TRAPPC8: variants seen among roughly 807,000 people sequenced by gnomAD.
TRAPPC8 encodes trafficking protein particle complex subunit 8.
TRAPPC8 carries 54 observed loss-of-function variants against 174.3 expected under a neutral mutation model. That is an observed-to-expected ratio of 0.31 (90% CI 0.25 to 0.39). The LOEUF (loss-of-function observed/expected upper bound fraction) is 0.39, where lower values mean the gene tolerates loss of function less well. Among genes scored for constraint, TRAPPC8 ranks in the 10% least tolerant of loss-of-function variants. The pLI is 1.00. For missense variants in TRAPPC8, 1,531 were observed against 1,699.1 expected (o/e 0.90, Z 1.74); for synonymous variants, 630 against 579.9 (o/e 1.09, Z -1.24).
intron 12 of TRAPPC8, among the ~76,000 whole-genome samples, chr18:31,886,348 A>G (rs1359275694): frequency 1.5e-4 from 22 of 144,242 alleles, no homozygotes; most frequent in African/African-American, 5.7e-4. Context: ...TCTTGAGGAA[A>G]AAAAAAAAAA....
chr18:31,914,981 A>G lies in TRAPPC8; in HGVS notation c.617+1291T>C, dbSNP rs55668786. 9.8e-3 allele frequency among the ~76,000 whole-genome samples: 1,500 copies of G among 152,334 alleles called. 25 individuals carry two copies. Among genetic ancestry groups the G allele is most frequent in the African/African-American group, 0.035 (1,435 of 41,576 alleles). ...AAGTCACAAGAGAGTGGACAGTGGAAAAAGTGCCTGTAAGCAAGTCAGGCC... is the reference window on the plus strand; with the variant it reads ...AAGTCACAAGAGAGTGGACAGTGGAGAAAGTGCCTGTAAGCAAGTCAGGCC... On this transcript the variant is annotated intron_variant, in intron 4 of 28. Transcript: ENST00000283351.
chr18:31,873,594 T>C, intron 13 of TRAPPC8, 56 bp from the exon 14 acceptor site: 1 of 1,278,164 alleles, frequency 7.8e-7, no homozygotes, highest in Non-Finnish European at 1.1e-6. Context: ...GTATTTTTAT[T>C]TGTTTCCTCG....
At chr18:31,887,996 G>A (rs970068720) in intron 12 of TRAPPC8, among the ~76,000 whole-genome samples, 6 of 152,076 alleles carry the variant, frequency 3.9e-5, no homozygotes, top group Admixed American at 2.0e-4. Flanking sequence ...AGCAACTTCA[G>A]CAAAATCTCA....
chr18:31,936,094 C>T lies in TRAPPC8; in HGVS notation c.158-4571G>A, dbSNP rs115373546. On this transcript the variant is annotated intron_variant, in intron 1 of 28. Coordinates refer to ENST00000283351, the MANE Select transcript of TRAPPC8 (RefSeq NM_014939.5). ...AATTAGCTGGGTGTGATGGCACACA[C>T]CTGTGTGCTACTCAGGAGGCTAAGG... Among the ~76,000 whole-genome samples the T allele has an allele frequency of 8.5e-3, 1,295 of 151,990 alleles. 18 individuals carry two copies. Among genetic ancestry groups the T allele is most frequent in the African/African-American group, 0.029 (1,195 of 41,458 alleles).
intron 12 of TRAPPC8, among the ~76,000 whole-genome samples, chr18:31,880,121 A>ATATATT (rs1239258266): frequency 7.2e-4 from 50 of 69,046 alleles, no homozygotes; most frequent in African/African-American, 1.4e-3. Context: ...ATATATATAT[A>ATATATT]TTTTTTTTTT....
intron 27 of TRAPPC8, among the ~76,000 whole-genome samples, chr18:31,837,271 T>A (rs561636911): frequency 6.6e-6 from 1 of 151,926 alleles, no homozygotes. Flanking sequence ...AATTCGCATA[T>A]GCTGCTATTG....
chr18:31,936,455 C>T (rs2038102125), intron 1 of TRAPPC8, among the ~76,000 whole-genome samples: 1 of 152,056 alleles, frequency 6.6e-6, no homozygotes, highest in African/African-American at 2.4e-5. Context: ...CAAAGTGAGA[C>T]CCTGTCTCGA....
Position 31,873,556 on chromosome 18 carries a change from G to C in TRAPPC8, c.1954-18C>G. On this transcript the variant is annotated intron_variant, in intron 13 of 28. Transcript: ENST00000283351. ...CTTACATTCTGAGAGAAATATAAAA[G>C]GGAAAAAAAGTAGTTTTTGTGAAAA... 6.4e-7 allele frequency: 1 copy of C among 1,563,168 alleles called. No homozygotes were observed. Among genetic ancestry groups the C allele is most frequent in the Non-Finnish European group, 8.7e-7 (1 of 1,148,914 alleles).
In TRAPPC8 at chr18:31,849,502, G is replaced by C. The variant is rs1598602313; in HGVS notation, c.3735+64C>G. The stretch of plus-strand genomic sequence containing the variant: ...AAAATATAAATAGTAATATACGTTT[G>C]TGCTTAGCTTAAGACTCGAGTATCT... On this transcript the variant is annotated intron_variant, in intron 25 of 28. Coordinates refer to ENST00000283351, the MANE Select transcript of TRAPPC8 (RefSeq NM_014939.5). The C allele has an allele frequency of 3.8e-6, 5 of 1,327,400 alleles. No homozygotes were observed. The East Asian group carries it at 7.8e-5, about 21-fold the overall frequency. The allele number at this position is 1,327,400 out of a possible 1,614,324, so 82.2% of individuals were successfully genotyped here.
chr18:31,864,922 G>T (rs982199830), intron 18 of TRAPPC8, 141 bp from the exon 19 acceptor site: 5 of 755,216 alleles, frequency 6.6e-6, no homozygotes, highest in East Asian at 2.8e-5. Context: ...ATTAATCAAA[G>T]AATTTAGTAT....
chr18:31,830,639 T>A lies in TRAPPC8; in HGVS notation c.*116A>T. The stretch of plus-strand genomic sequence containing the variant: ...CAACAAAATGACAAGTCAAAGTATT[T>A]TGCAGGGATCAGATATCAATCAACC... On this transcript the variant is annotated 3_prime_UTR_variant, in exon 29 of 29. Coordinates refer to ENST00000283351, the MANE Select transcript of TRAPPC8 (RefSeq NM_014939.5). 1 of 808,190 alleles carries A rather than the reference T, an allele frequency of 1.2e-6. No homozygotes were observed. Among genetic ancestry groups the A allele is most frequent in the Non-Finnish European group, 1.9e-6 (1 of 520,634 alleles). 50.1% of individuals were successfully genotyped at this position (808,190 alleles called of 1,614,324 possible).
At chr18:31,911,697 C>A (rs563489278) in intron 5 of TRAPPC8, among the ~76,000 whole-genome samples, 1 of 138,362 alleles carries the variant, frequency 7.2e-6, no homozygotes, top group South Asian at 2.3e-4. Context: ...CGAGATCATG[C>A]AGTGAGCCGA....
At chr18:31,941,893 C>G (rs933992319) in intron 1 of TRAPPC8, among the ~76,000 whole-genome samples, 1 of 152,208 alleles carries the variant, frequency 6.6e-6, no homozygotes, top group Non-Finnish European at 1.5e-5. Context: ...AAACGGGTAG[C>G]TTCTTAACAA....
intron 12 of TRAPPC8, among the ~76,000 whole-genome samples, chr18:31,880,090 A>AAATATATATAT (rs1259899654): frequency 1.6e-4 from 14 of 85,360 alleles, no homozygotes; most frequent in South Asian, 9.9e-4. Context: ...TGAAAAAAAA[A>AAATATATATAT]ATATATATAT....
At chr18:31,870,317 A>G (rs1440621761) in intron 16 of TRAPPC8, 55 bp downstream of exon 16, 2 of 1,510,682 alleles carry the variant, frequency 1.3e-6, no homozygotes, top group Non-Finnish European at 1.8e-6. Context: ...ATGTTACTAC[A>G]GCATTTGTTA....
chr18:31,929,657 C>T (rs1046858033), intron 2 of TRAPPC8, among the ~76,000 whole-genome samples: 1 of 152,122 alleles, frequency 6.6e-6, no homozygotes, highest in Non-Finnish European at 1.5e-5. Context: ...CAGAGTGAGA[C>T]CCTGTCACAA....
At chr18:31,848,099 CA>C (rs965829243) in intron 25 of TRAPPC8, among the ~76,000 whole-genome samples, 2 of 150,348 alleles carry the variant, frequency 1.3e-5, no homozygotes, top group African/African-American at 5.0e-5. Context: ...CTAAAACAAA[CA>C]AAAATCTACC....
chr18:31,927,561 G>A (rs1229663694), intron 2 of TRAPPC8, among the ~76,000 whole-genome samples: 2 of 152,050 alleles, frequency 1.3e-5, no homozygotes, highest in Non-Finnish European at 2.9e-5. Flanking sequence ...CCAGCTACCA[G>A]CTAATTTTTT....
At chr18:31,899,324 GT>G (rs2036311477) in intron 10 of TRAPPC8, among the ~76,000 whole-genome samples, 1 of 152,108 alleles carries the variant, frequency 6.6e-6, no homozygotes, top group East Asian at 1.9e-4. Flanking sequence ...GATTTCAGAG[GT>G]TTGTTATTAA....
Sources: gnomAD v4.1 joint callset for allele counts (sites outside exome capture counted in the v4.1 genomes callset) on GRCh38, gnomAD v4.1.1 for gene constraint, MANE v1.5 for transcripts, NCBI Gene and HGNC (gene_info 2026-07-23, HGNC 2026-07-21) for gene names.